Variants in ADCY4 observed in about 807,000 individuals in gnomAD.
ADCY4 encodes adenylate cyclase type 4.
In ADCY4, 111 loss-of-function variants were observed where a neutral mutation model predicts 125.5. The ratio of observed to expected loss-of-function variants is 0.88; its 90% confidence interval spans 0.76 to 1.04. The LOEUF is 1.04. Among genes scored for constraint, ADCY4 ranks in the 50% least tolerant of loss-of-function variants. The pLI, the probability that ADCY4 is intolerant of heterozygous loss-of-function variation, is 0.00. For missense variants in ADCY4, 1,256 were observed against 1,382.9 expected, an observed-to-expected ratio of 0.91 and a Z score of 1.46; for synonymous variants, 576 against 586.9, an observed-to-expected ratio of 0.98 and a Z score of 0.27.
chr14:24,319,229 C>T lies in ADCY4; in HGVS notation c.2842-17G>A, dbSNP rs372388877. 20 of 1,613,944 alleles carry T rather than the reference C, an allele frequency of 1.2e-5. No homozygotes were observed. The African/African-American group carries it at 2.5e-4, about 20-fold the overall frequency. The stretch of plus-strand genomic sequence containing the variant: ...TTCAGCATCCTGGCAATGGGCCCGC[C>T]CACCAGGGTGGGCCAGTGAGGGCAC... On this transcript the variant is annotated splice_polypyrimidine_tract_variant and intron_variant, in intron 22 of 24. Transcript: ENST00000418030. The surrounding 1 kb of genome is among the most constrained non-coding windows in gnomAD (Gnocchi z 4.5).
chr14:24,333,368 C>T (rs559034390), intron 1 of ADCY4, among the ~76,000 whole-genome samples: 4 of 151,792 alleles, frequency 2.6e-5, no homozygotes, highest in Non-Finnish European at 5.9e-5. Context: ...TTACAGGCTC[C>T]CGCCACCACG....
intron 3 of ADCY4, chr14:24,332,237 C>CTTTTTTTTTTT (rs61560607): frequency 2.8e-6 from 1 of 355,670 alleles, no homozygotes. Context: ...TCGCACAAAA[C>CTTTTTTTTTTT]TTTTTTTTTT....
chr14:24,329,039 C>A, intron 10 of ADCY4, 22 bp downstream of exon 10: 1 of 1,608,548 alleles, frequency 6.2e-7, no homozygotes, highest in Non-Finnish European at 8.5e-7. Context: ...AGCTCTGGGG[C>A]TCAGGATGAA....
intron 4 of ADCY4, 157 bp from the exon 5 acceptor site, chr14:24,331,513 A>G (rs2042041259): frequency 9.8e-7 from 1 of 1,022,230 alleles, no homozygotes; most frequent in Admixed American, 2.8e-5. Context: ...CCAGCACTCC[A>G]TCCTACACTG....
At chr14:24,320,735 A>G (rs1018157239) in intron 20 of ADCY4, among the ~76,000 whole-genome samples, 2 of 152,210 alleles carry the variant, frequency 1.3e-5, no homozygotes, top group Non-Finnish European at 2.9e-5. Context: ...AATTTTTGCA[A>G]TGGAAACATT....
chr14:24,330,126 C>T lies in ADCY4; in HGVS notation c.1058+42G>A, dbSNP rs370106712. The T allele has an allele frequency of 6.2e-6, 10 of 1,603,434 alleles. No homozygotes were observed. The African/African-American group carries it at 1.2e-4, about 19-fold the overall frequency. On this transcript the variant is annotated intron_variant, in intron 7 of 24. Coordinates refer to ENST00000418030, the MANE Select transcript of ADCY4 (RefSeq NM_001198568.2). ...TCTGTCAGCTGCCTGCTGCCCCCCACATCCACCCTCAGCATTCCTCTTGAC... is the reference window on the plus strand; with the variant it reads ...TCTGTCAGCTGCCTGCTGCCCCCCATATCCACCCTCAGCATTCCTCTTGAC...
rs755561699 is a variant in ADCY4 at position 24,332,557 on chromosome 14, G to C, written c.484C>G (p.Pro162Ala). ...AGTGCAGGCCGTGAGTCCGGCTGTG[G>C]CCCAAGATACAGCCCGAGGACCAGC... The part of the protein sequence containing the change: ...HLLVLGLYLG[P>A]QPDSRPALLP... Residue 162 changes from proline (P) to alanine (A), a missense_variant, in exon 3 of 25, where the codon CCA becomes GCA. Coordinates refer to ENST00000418030, the MANE Select transcript of ADCY4 (RefSeq NM_001198568.2). 24 of 1,574,138 alleles carry C rather than the reference G, an allele frequency of 1.5e-5. No homozygotes were observed. The South Asian group carries it at 2.7e-4, about 18-fold the overall frequency.
chr14:24,322,418 G>A (rs1160741099), intron 19 of ADCY4, 194 bp from the exon 20 acceptor site: 1 of 855,102 alleles, frequency 1.2e-6, no homozygotes, highest in Non-Finnish European at 1.8e-6. Context: ...TAGAGAATTG[G>A]CAGCAGACTT....
chr14:24,321,096 T>TC (rs1421204276), intron 20 of ADCY4, among the ~76,000 whole-genome samples: 1 of 149,990 alleles, frequency 6.7e-6, no homozygotes, highest in African/African-American at 2.4e-5. Flanking sequence ...GCATTTCTTT[T>TC]TTTTTTTTTT....
At chr14:24,322,470 A>G (rs967908288) in intron 19 of ADCY4, 154 bp downstream of exon 19, 7 of 907,658 alleles carry the variant, frequency 7.7e-6, no homozygotes, top group Non-Finnish European at 1.2e-5. Flanking sequence ...TGTGGGAGAA[A>G]GGAGGGGCAG....
intron 1 of ADCY4, among the ~76,000 whole-genome samples, chr14:24,333,746 C>T (rs927042564): frequency 3.9e-5 from 6 of 152,314 alleles, no homozygotes; most frequent in Admixed American, 1.3e-4. Flanking sequence ...AGCCGGGGAC[C>T]GCGGCCGGCA....
rs768054869 is a variant in ADCY4 at position 24,329,871 on chromosome 14, G to A, written c.1206C>T (p.Gly402=). Reference sequence around the variant, plus strand: ...GCCCTAGGTCTCACCCTGGTACACCGCCTGCCTCCATGTGGTTAGCCAGTG... The same window carrying A: ...GCCCTAGGTCTCACCCTGGTACACCACCTGCCTCCATGTGGTTAGCCAGTG... The part of the protein sequence containing the change: ...DVTLANHMEA[G]GVPGRVHITG... The change falls in exon 8 of 25, where the codon GGC becomes GGT. Residue 402 remains glycine (G), a synonymous_variant. Transcript: ENST00000418030. 10 of 1,613,496 alleles carry A rather than the reference G, an allele frequency of 6.2e-6. No individual in the cohort carries two copies. Among genetic ancestry groups the A allele is most frequent in the Admixed American group, 5.0e-5 (3 of 59,976 alleles).
Position 24,319,879 on chromosome 14 carries a change from G to A in ADCY4, c.2596C>T (p.His866Tyr), listed in dbSNP as rs777860975. 1.6e-5 allele frequency: 26 copies of A among 1,613,294 alleles called. No individual in the cohort carries two copies. The highest frequency in any genetic ancestry group is 2.2e-5 in the Non-Finnish European group (26 of 1,179,960). ...GQNRRNEDLY[H>Y]QSYECVCVLF... ...ACACAAACGCATTCATAGGACTGGT[G>A]GTAGAGATCCTGGGGGAACAGGAGA... Residue 866 changes from histidine to tyrosine, a missense_variant, in exon 21 of 25, where the codon CAC becomes TAC. Physicochemically the swap from His to Tyr is moderately conservative, Grantham distance 83 (BLOSUM62 2). Transcript: ENST00000418030. This position sits in a 1 kb window ranked among gnomAD's most constrained non-coding sequence, Gnocchi z 4.5.
chr14:24,329,241 C>T lies in ADCY4; in HGVS notation c.1351-7G>A. Reference sequence around the variant, plus strand: ...TCTCATCCTCCTCCTCTGCCTGGGGCACATAAGGGCTGACAGTAAAGACCA... The same window carrying T: ...TCTCATCCTCCTCCTCTGCCTGGGGTACATAAGGGCTGACAGTAAAGACCA... On this transcript the variant is annotated splice_region_variant and splice_polypyrimidine_tract_variant and intron_variant, in intron 9 of 24. Coordinates refer to ENST00000418030, the MANE Select transcript of ADCY4 (RefSeq NM_001198568.2). 1.2e-6 allele frequency: 2 copies of T among 1,612,902 alleles called. No individual in the cohort carries two copies. Among genetic ancestry groups the T allele is most frequent in the Non-Finnish European group, 1.7e-6 (2 of 1,179,262 alleles).
chr14:24,320,541 G>A (rs1370474404), intron 20 of ADCY4, among the ~76,000 whole-genome samples: 1 of 152,140 alleles, frequency 6.6e-6, no homozygotes, highest in Non-Finnish European at 1.5e-5. Flanking sequence ...GGCGGTGGGG[G>A]CATAAGGCTG....
intron 12 of ADCY4, 92 bp from the exon 13 acceptor site, chr14:24,325,979 T>A: frequency 6.3e-7 from 1 of 1,584,868 alleles, no homozygotes; most frequent in Admixed American, 1.8e-5. Context: ...GAGGGGGTGG[T>A]CAGGCGAGTC....
chr14:24,322,120 G>A lies in ADCY4; in HGVS notation c.2532C>T (p.Asn844=), dbSNP rs199565158. The part of the protein sequence containing the change: ...MENLTRLLLE[N]VLPAHVAPQF... ...GGGGGGCCACGTGTGCAGGGAGCAC[G>A]TTCTCCAAGAGCAGCCGAGTCAGGT... Residue 844 remains asparagine, a synonymous_variant, in exon 20 of 25, where the codon AAC becomes AAT. Transcript: ENST00000418030. The A allele has an allele frequency of 6.4e-5, 103 of 1,614,156 alleles. No homozygotes were observed. In the Admixed American group the frequency reaches 1.4e-3, roughly 22 times the overall value.
rs746412208 is a variant in ADCY4, at chr14:24,324,289, C to A, written c.1908+18G>T. Reference sequence around the variant, plus strand: ...CCAGGGCTCCGGCATACCACTTCCACCCCTCAGCCCACCTCACCATCAGGT... The same window carrying A: ...CCAGGGCTCCGGCATACCACTTCCAACCCTCAGCCCACCTCACCATCAGGT... On this transcript the variant is annotated intron_variant, in intron 15 of 24. Transcript: ENST00000418030. The A allele has an allele frequency of 3.7e-6, 6 of 1,614,066 alleles. No homozygotes were observed. The highest frequency in any genetic ancestry group is 5.1e-6 in the Non-Finnish European group (6 of 1,179,898).
In ADCY4 at chr14:24,319,815, G is replaced by T. The variant is rs568163441; in HGVS notation, c.2660C>A (p.Ser887Tyr). Residue 887 changes from serine (S) to tyrosine (Y), a missense_variant, in exon 21 of 25, where the codon TCT becomes TAT. Ser to Tyr is a moderately radical substitution (Grantham distance 144). Coordinates refer to ENST00000418030, the MANE Select transcript of ADCY4 (RefSeq NM_001198568.2). This position sits in a 1 kb window ranked among gnomAD's most constrained non-coding sequence, Gnocchi z 4.5. ...ASVPDFKEFY[S>Y]ESNINHEGLE... ...GCCCTCATGATTGATGTTGGATTCA[G>T]AGTAGAACTCCTTGAAGTCTGGGAC... The T allele has an allele frequency of 6.2e-7, 1 of 1,614,186 alleles. No homozygotes were observed. Among genetic ancestry groups the T allele is most frequent in the Non-Finnish European group, 8.5e-7 (1 of 1,180,034 alleles).
Sources: gnomAD v4.1 joint callset for allele counts (sites outside exome capture counted in the v4.1 genomes callset) on GRCh38, gnomAD v4.1.1 for gene constraint, Gnocchi (gnomAD v3.1) non-coding constraint, MANE v1.5 for transcripts, NCBI Gene and HGNC (gene_info 2026-07-23, HGNC 2026-07-21) for gene names.